JMJD1C: variants seen among roughly 807,000 people sequenced by gnomAD.
The protein encoded by JMJD1C is jumonji domain-containing protein 1C.
Under a neutral mutation model 245.3 loss-of-function variants are expected in JMJD1C, and 31 were observed. The observed-to-expected ratio is 0.13, with a 90% CI of 0.09 to 0.17. The LOEUF (loss-of-function observed/expected upper bound fraction) is 0.17, where lower values mean the gene tolerates loss of function less well. JMJD1C is among the 10% of genes least tolerant of loss of function. The probability of loss-of-function intolerance (pLI) is 1.00; values close to 1 mark genes in which losing one functional copy is unlikely to be tolerated. For missense variants in JMJD1C, 2,691 were observed against 3,000.2 expected (o/e 0.90, Z 2.41); for synonymous variants, 1,057 against 1,017.4 (o/e 1.04, Z -0.74).
chr10:63,402,773 T>C (rs1487183290), intron 1 of JMJD1C, among the ~76,000 whole-genome samples: 2 of 152,268 alleles, frequency 1.3e-5, no homozygotes, highest in South Asian at 2.1e-4. Flanking sequence ...ATCTTCCTTT[T>C]TGTGTGTGGA....
intron 1 of JMJD1C, among the ~76,000 whole-genome samples, chr10:63,493,061 G>A (rs80012969): frequency 0.025 from 3,730 of 152,076 alleles, 66 homozygotes; most frequent in South Asian, 0.063. Flanking sequence ...CTTTCTTTCC[G>A]TTTCTCTCCT....
intron 10 of JMJD1C, chr10:63,204,994 CAT>C (rs1378424243): frequency 3.0e-6 from 3 of 985,178 alleles, no homozygotes; most frequent in African/African-American, 1.7e-5. Flanking sequence ...AACACACGGA[CAT>C]AGTGAAACTA....
At chr10:63,480,070 C>A (rs1953783625) in intron 1 of JMJD1C, among the ~76,000 whole-genome samples, 1 of 152,102 alleles carries the variant, frequency 6.6e-6, no homozygotes, top group South Asian at 2.1e-4. Context: ...GAATGAATAT[C>A]TATTACTTTG....
At chr10:63,296,996 T>C (rs957924592) in intron 2 of JMJD1C, among the ~76,000 whole-genome samples, 1 of 152,238 alleles carries the variant, frequency 6.6e-6, no homozygotes, top group Non-Finnish European at 1.5e-5. Flanking sequence ...GAACCATATG[T>C]GTTTCTTTCA....
At chr10:63,237,736 C>G (rs926542322) in intron 3 of JMJD1C, among the ~76,000 whole-genome samples, 45 of 152,194 alleles carry the variant, frequency 3.0e-4, no homozygotes, top group African/African-American at 1.0e-3. Context: ...GTTGAGCACA[C>G]ATAATTAGAA....
rs1855311051 is a variant in JMJD1C, at chr10:63,264,695, G to T, written c.403C>A (p.Gln135Lys). The stretch of plus-strand genomic sequence containing the variant: ...CTATCTTCAGTTAAAAAATCCAGTT[G>T]CTTATCTACAAGGAATTCTACTGCA... ...VTAVEFLVDK[Q>K]LDFLTEDSAF... is the part of the protein sequence containing the mutation. Residue 135 changes from glutamine to lysine, a missense_variant, in exon 3 of 26, where the codon CAA becomes AAA. Gln to Lys is a moderately conservative substitution (Grantham distance 53). Transcript: ENST00000399262. The T allele has an allele frequency of 6.3e-7, 1 of 1,594,286 alleles. No homozygotes were observed. Among genetic ancestry groups the T allele is most frequent in the Non-Finnish European group, 8.6e-7 (1 of 1,168,892 alleles).
chr10:63,174,052 G>C (rs912340854), intron 24 of JMJD1C, among the ~76,000 whole-genome samples: 29 of 152,138 alleles, frequency 1.9e-4, no homozygotes, highest in African/African-American at 7.0e-4. Context: ...GCACTAGTGA[G>C]GAAGCAGAGG....
chr10:63,170,879 C>T (rs1025015773), intron 24 of JMJD1C, among the ~76,000 whole-genome samples: 1 of 152,170 alleles, frequency 6.6e-6, no homozygotes, highest in Admixed American at 6.5e-5. Context: ...ATTTATATTT[C>T]ACTTCCTTGA....
At chr10:63,466,118 A>G (rs1953258094), upstream of JMJD1C, 12 of 186,374 alleles carry the variant, frequency 6.4e-5, no homozygotes, top group South Asian at 1.1e-3. Flanking sequence ...GGCAGCGGCC[A>G]CTGGGTCCGT....
intron 17 of JMJD1C, 62 bp downstream of exon 17, chr10:63,190,832 T>C (rs2132974744): frequency 7.4e-7 from 1 of 1,352,226 alleles, no homozygotes; most frequent in Non-Finnish European, 1.1e-6. Context: ...AGCCAAAAAC[T>C]AAGTCTCCAA....
In JMJD1C at chr10:63,167,808, A is replaced by G. The variant is rs1841984460; in HGVS notation, c.*237T>C. On this transcript the variant is annotated 3_prime_UTR_variant, in exon 26 of 26. Transcript: ENST00000399262. ...CATTTTCACAAACATCATATACACT[A>G]TAATACAAAACAGCTATATAGTGCT... is the stretch of plus-strand genomic sequence containing the variant. 3 of 415,616 alleles carry G rather than the reference A, an allele frequency of 7.2e-6. No individual in the cohort carries two copies. Among genetic ancestry groups the G allele is most frequent in the East Asian group, 7.1e-5 (2 of 28,208 alleles). 25.7% of individuals were successfully genotyped at this position (415,616 alleles called of 1,614,324 possible).
intron 2 of JMJD1C, among the ~76,000 whole-genome samples, chr10:63,276,499 A>G (rs1368449986): frequency 6.6e-6 from 1 of 151,496 alleles, no homozygotes; most frequent in Non-Finnish European, 1.5e-5. Context: ...AGCCTGGCCA[A>G]CATGGTGAAA....
At chr10:63,183,154 C>G (rs1224941142) in intron 22 of JMJD1C, among the ~76,000 whole-genome samples, 4 of 152,176 alleles carry the variant, frequency 2.6e-5, no homozygotes, top group Admixed American at 1.3e-4. Flanking sequence ...AGCCACTGCG[C>G]CCAGCCTCAA....
At chr10:63,312,600 T>G (rs1294790159) in intron 2 of JMJD1C, among the ~76,000 whole-genome samples, 1 of 152,172 alleles carries the variant, frequency 6.6e-6, no homozygotes, top group Non-Finnish European at 1.5e-5. Flanking sequence ...GTATCAAAAG[T>G]AGAAGTTTTT....
chr10:63,372,365 T>C (rs1946384356), intron 2 of JMJD1C, among the ~76,000 whole-genome samples: 1 of 152,248 alleles, frequency 6.6e-6, no homozygotes, highest in Non-Finnish European at 1.5e-5. Flanking sequence ...GGACTTCTGT[T>C]TCTTCCTTTA....
rs765785670 is a variant in JMJD1C, at chr10:63,184,681, T to C, written c.6888A>G (p.Lys2296=). The change falls in exon 21 of 26, where the codon AAA becomes AAG. Residue 2296 remains lysine, a synonymous_variant. Coordinates refer to ENST00000399262, the MANE Select transcript of JMJD1C (RefSeq NM_032776.3). ...PLPEYCNPEG[K]FNLASHLPGF... ...CTGGCAAATGAGAGGCCAAATTGAA[T>C]TTTCCTTCTGGATTACAATATTCTG... The C allele has an allele frequency of 5.3e-5, 85 of 1,613,754 alleles. No homozygotes were observed. The highest frequency in any genetic ancestry group is 3.3e-4 in the Middle Eastern group (2 of 6,084).
At chr10:63,470,487 T>C (rs1953455857), upstream of JMJD1C, among the ~76,000 whole-genome samples, 1 of 152,188 alleles carries the variant, frequency 6.6e-6, no homozygotes, top group Non-Finnish European at 1.5e-5. Context: ...AGCAAGGTTT[T>C]TCCTGGGAAA....
intron 17 of JMJD1C, 49 bp from the exon 18 acceptor site, chr10:63,189,495 A>G (rs946339793): frequency 1.3e-6 from 2 of 1,504,224 alleles, no homozygotes; most frequent in Non-Finnish European, 1.8e-6. Flanking sequence ...GAGAGAAATC[A>G]AATACATTTT....
chr10:63,497,020 A>T (rs1448200801), intron 1 of JMJD1C, among the ~76,000 whole-genome samples: 1 of 152,242 alleles, frequency 6.6e-6, no homozygotes, highest in Non-Finnish European at 1.5e-5. Context: ...GTTATTGTAC[A>T]TGTTATCCGA....
Sources: gnomAD v4.1 joint callset for allele counts (sites outside exome capture counted in the v4.1 genomes callset) on GRCh38, gnomAD v4.1.1 for gene constraint, MANE v1.5 for transcripts, NCBI Gene and HGNC (gene_info 2026-07-23, HGNC 2026-07-21) for gene names.